NTRK2: variants seen among roughly 807,000 people sequenced by gnomAD.
NTRK2 encodes the protein BDNF/NT-3 growth factors receptor.
Under a neutral mutation model 94.5 loss-of-function variants are expected in NTRK2, and 13 were observed. The observed-to-expected ratio is 0.14, with a 90% confidence interval of 0.09 to 0.22. NTRK2 has a LOEUF of 0.22. NTRK2 is among the 10% of genes least tolerant of loss of function. NTRK2 has a pLI of 1.00. For synonymous variants in NTRK2, 372 were observed against 407.4 expected (o/e 0.91, Z 1.05); for missense variants, 639 against 1,071.2 (o/e 0.60, Z 5.63).
intron 4 of NTRK2, among the ~76,000 whole-genome samples, chr9:84,706,185 T>C (rs1350857505): frequency 6.6e-6 from 1 of 152,172 alleles, no homozygotes; most frequent in Non-Finnish European, 1.5e-5. Flanking sequence ...GTGAGCACTT[T>C]ATACTCAGTG....
chr9:84,707,771 A>G, intron 4 of NTRK2, 73 bp from the exon 5 acceptor site: 9 of 1,140,428 alleles, frequency 7.9e-6, no homozygotes, highest in Middle Eastern at 2.2e-4. Flanking sequence ...TGAAAAACAA[A>G]TCTCTATTTG....
At chr9:84,887,632 AC>A (rs1206396842) in intron 14 of NTRK2, among the ~76,000 whole-genome samples, 1 of 152,142 alleles carries the variant, frequency 6.6e-6, no homozygotes, top group African/African-American at 2.4e-5. Flanking sequence ...AAGACCAAAT[AC>A]CCCAATGATC....
intron 17 of NTRK2, among the ~76,000 whole-genome samples, chr9:84,998,453 C>T (rs186325771): frequency 5.9e-5 from 9 of 152,328 alleles, no homozygotes; most frequent in Admixed American, 3.3e-4. Flanking sequence ...CAGCTCTTCT[C>T]TATAAATCCA....
intron 17 of NTRK2, among the ~76,000 whole-genome samples, chr9:85,010,346 T>C (rs537450578): frequency 6.6e-6 from 1 of 152,212 alleles, no homozygotes; most frequent in Non-Finnish European, 1.5e-5. Flanking sequence ...AGCACCTTGG[T>C]AGTCTCCGTG....
chr9:84,676,426 T>A (rs2059057825), intron 2 of NTRK2, among the ~76,000 whole-genome samples: 1 of 152,204 alleles, frequency 6.6e-6, no homozygotes, highest in African/African-American at 2.4e-5. Flanking sequence ...AAATGTGAGC[T>A]GCTAACAAGG....
intron 17 of NTRK2, among the ~76,000 whole-genome samples, chr9:84,995,223 G>A (rs575417007): frequency 1.3e-5 from 2 of 152,196 alleles, no homozygotes; most frequent in Admixed American, 1.3e-4. Context: ...AGAAAGCCCT[G>A]TTGGCTTCAG....
At chr9:84,834,015 C>T (rs947587745) in intron 12 of NTRK2, among the ~76,000 whole-genome samples, 13 of 152,160 alleles carry the variant, frequency 8.5e-5, no homozygotes, top group African/African-American at 2.9e-4. Flanking sequence ...ACTTGGGTAG[C>T]TCACTACAAT....
intron 14 of NTRK2, among the ~76,000 whole-genome samples, chr9:84,885,512 C>CT (rs202194959): frequency 2.4e-3 from 368 of 150,312 alleles, no homozygotes; most frequent in African/African-American, 8.2e-3. Context: ...TAGAAGTTAT[C>CT]TTTTTTTTTT....
intron 12 of NTRK2, among the ~76,000 whole-genome samples, chr9:84,775,185 G>A (rs543253923): frequency 6.6e-6 from 1 of 152,252 alleles, no homozygotes. Flanking sequence ...AGATGTGGGA[G>A]CTGAGAGGTG....
At chr9:84,856,951 A>C (rs541074459) in intron 12 of NTRK2, among the ~76,000 whole-genome samples, 1 of 152,250 alleles carries the variant, frequency 6.6e-6, no homozygotes, top group East Asian at 1.9e-4. Context: ...CTCATATTTA[A>C]TGTTTGCTCA....
At chr9:84,884,975 G>A (rs190604762) in intron 14 of NTRK2, among the ~76,000 whole-genome samples, 210 of 152,270 alleles carry the variant, frequency 1.4e-3, no homozygotes, top group Non-Finnish European at 4.4e-4. Flanking sequence ...TAAACTAAGA[G>A]TAGAACATGT....
chr9:84,738,747 C>A (rs977228212), intron 9 of NTRK2, among the ~76,000 whole-genome samples: 1 of 152,122 alleles, frequency 6.6e-6, no homozygotes, highest in African/African-American at 2.4e-5. Flanking sequence ...GGTGAGTAGA[C>A]CTTTGTCAGA....
At chr9:84,814,142 A>G (rs199905016) in intron 12 of NTRK2, 4 of 1,065,562 alleles carry the variant, frequency 3.8e-6, no homozygotes, top group Non-Finnish European at 4.5e-6. Context: ...TTCCAGAAAT[A>G]GGTAGCAAGG....
chr9:84,975,291 A>G (rs1236430209), intron 17 of NTRK2, among the ~76,000 whole-genome samples: 2 of 152,162 alleles, frequency 1.3e-5, no homozygotes, highest in Non-Finnish European at 2.9e-5. Flanking sequence ...TCACTTCTAA[A>G]CAAGCACTCC....
At chr9:84,955,187 G>A (rs750925252) in intron 16 of NTRK2, 96 bp from the exon 17 acceptor site, 22 of 994,408 alleles carry the variant, frequency 2.2e-5, no homozygotes, top group Non-Finnish European at 3.2e-5. Context: ...GTGGGGGTGA[G>A]GAGCTTAGCA....
intron 12 of NTRK2, among the ~76,000 whole-genome samples, chr9:84,786,321 T>C (rs1176113356): frequency 6.6e-6 from 1 of 152,184 alleles, no homozygotes; most frequent in Non-Finnish European, 1.5e-5. Context: ...AACAACCTCA[T>C]GAGTTAAACA....
At chr9:84,875,304 A>G in intron 14 of NTRK2, 2 of 1,059,066 alleles carry the variant, frequency 1.9e-6, no homozygotes, top group South Asian at 9.1e-5. Context: ...GGAGATGTGC[A>G]GGGGTTAAGA....
chr9:84,820,275 T>G (rs1435183509), intron 12 of NTRK2, among the ~76,000 whole-genome samples: 2 of 151,792 alleles, frequency 1.3e-5, no homozygotes, highest in Non-Finnish European at 2.9e-5. Flanking sequence ...GTTCAAGTGA[T>G]TCTCCTGCCT....
intron 12 of NTRK2, chr9:84,811,353 A>G: frequency 9.4e-7 from 1 of 1,066,044 alleles, no homozygotes; most frequent in Non-Finnish European, 1.1e-6. Flanking sequence ...AACAAGCAGC[A>G]ACAGCTGTTT....
Sources: allele counts gnomAD v4.1 joint callset (sites outside exome capture counted in the v4.1 genomes callset), GRCh38; gene constraint gnomAD v4.1.1; transcripts MANE v1.5; gene names NCBI Gene and HGNC (gene_info 2026-07-23, HGNC 2026-07-21).